Variants in ELFN1 observed in about 807,000 individuals in gnomAD.
ELFN1 encodes extracellular leucine rich repeat and fibronectin type III domain containing 1, also known as protein ELFN1.
Under a neutral mutation model 7.6 loss-of-function variants are expected in ELFN1, and 6 were observed. That is an observed-to-expected ratio of 0.79 (90% CI 0.43 to 1.56). The LOEUF is 1.56. ELFN1 is among the 40% of genes most tolerant of loss of function. The pLI is 0.01. For missense variants in ELFN1, 1,169 were observed against 1,232.2 expected (o/e 0.95, Z 0.77); for synonymous variants, 657 against 588.1 (o/e 1.12, Z -1.70).
chr7:1,722,020 T>G (rs1562377699), intron 3 of ELFN1, among the ~76,000 whole-genome samples: 2 of 152,156 alleles, frequency 1.3e-5, no homozygotes, highest in Non-Finnish European at 2.9e-5. Context: ...GTGGACGGTC[T>G]TCTGCGCAGC....
chr7:1,724,148 T>C (rs1780109421), intron 3 of ELFN1, among the ~76,000 whole-genome samples: 1 of 152,188 alleles, frequency 6.6e-6, no homozygotes, highest in Non-Finnish European at 1.5e-5. Context: ...AGGGTTACCA[T>C]AAGTATCCAA....
chr7:1,723,483 T>C (rs1583372652), intron 3 of ELFN1, among the ~76,000 whole-genome samples: 1 of 152,222 alleles, frequency 6.6e-6, no homozygotes, highest in South Asian at 2.1e-4. Context: ...TCTGTGCACA[T>C]GGCTCTGTGG....
intron 3 of ELFN1, among the ~76,000 whole-genome samples, chr7:1,731,376 C>T (rs1780321851): frequency 6.6e-6 from 1 of 152,182 alleles, no homozygotes; most frequent in Non-Finnish European, 1.5e-5. Context: ...GGATGTCTTT[C>T]CTGCCAGGTA....
chr7:1,739,105 C>T lies in ELFN1; in HGVS notation c.-293-5199C>T, dbSNP rs3735664. The T allele has an allele frequency of 0.39, 58,949 of 151,664 alleles. 12,822 individuals carry two copies. Among genetic ancestry groups the T allele is most frequent in the African/African-American group, 0.6 (24,858 of 41,302 alleles). 9.4% of individuals were successfully genotyped at this position (151,664 alleles called of 1,614,324 possible). On this transcript the variant is annotated intron_variant, in intron 3 of 3. Transcript: ENST00000424383. The surrounding 1 kb of genome is among the most constrained non-coding windows in gnomAD (Gnocchi z 4.6). ...ATCCAGTGGGCCCTGGAGATTGTGT[C>T]TGGAGGCCGGATTCTCCTCCACGCG... is the stretch of plus-strand genomic sequence containing the variant.
intron 2 of ELFN1, among the ~76,000 whole-genome samples, chr7:1,688,886 C>A (rs770940209): frequency 3.3e-5 from 5 of 152,342 alleles, no homozygotes; most frequent in Middle Eastern, 6.8e-3. Context: ...CACTGCTAAT[C>A]CATTCTCCAT....
intron 2 of ELFN1, among the ~76,000 whole-genome samples, chr7:1,699,403 C>T (rs1276938383): frequency 6.6e-6 from 1 of 152,052 alleles, no homozygotes; most frequent in Non-Finnish European, 1.5e-5. Context: ...TTTGGGAGGC[C>T]GAGGTGGGCA....
chr7:1,731,617 C>T (rs760812044), intron 3 of ELFN1, among the ~76,000 whole-genome samples: 5 of 152,166 alleles, frequency 3.3e-5, no homozygotes, highest in East Asian at 1.9e-4. Flanking sequence ...CCAGGAAAAC[C>T]GTGACATATG....
chr7:1,675,022 T>TTGGCTCCCCACACCTCATATCC, intron 1 of ELFN1, among the ~76,000 whole-genome samples: 2 of 64,552 alleles, frequency 3.1e-5, no homozygotes, highest in Non-Finnish European at 2.8e-5. Context: ...GCTCCCATGC[T>TTGGCTCCCCACACCTCATATCC]GGGCTCCCCA....
intron 1 of ELFN1, among the ~76,000 whole-genome samples, chr7:1,674,647 G>A (rs1030021310): frequency 3.2e-4 from 49 of 152,114 alleles, no homozygotes; most frequent in African/African-American, 1.2e-3. Flanking sequence ...CCCCGCCCTC[G>A]ACGTCTGCCC....
chr7:1,678,392 G>A (rs1246915046), intron 1 of ELFN1, among the ~76,000 whole-genome samples: 1 of 152,224 alleles, frequency 6.6e-6, no homozygotes. Flanking sequence ...CTGCATGTCA[G>A]TTGTGGGTAA....
upstream of ELFN1, among the ~76,000 whole-genome samples, chr7:1,670,217 C>G (rs1273627104): frequency 1.3e-5 from 2 of 150,942 alleles, no homozygotes; most frequent in Non-Finnish European, 3.0e-5. This position sits in a 1 kb window ranked among gnomAD's most constrained non-coding sequence, Gnocchi z 6.4. Context: ...CCCCCCCGGC[C>G]GCGCGGCGAG....
At position 1,724,103 on chromosome 7, in the gene ELFN1, C is replaced by T. The variant is rs149799456; in HGVS notation, c.-294+14851C>T. The stretch of plus-strand genomic sequence containing the variant: ...CAAGTTCACGAACATGTCTGCCCCT[C>T]GTCTGTAAAATGGAAATAACAGCAC... On this transcript the variant is annotated intron_variant, in intron 3 of 3. Transcript: ENST00000424383. 2.6e-3 allele frequency among the ~76,000 whole-genome samples: 401 copies of T among 152,298 alleles called. 2 individuals are homozygous for T. The highest frequency in any genetic ancestry group is 9.3e-3 in the African/African-American group (386 of 41,554).
At chr7:1,674,236 A>G (rs962048808) in intron 1 of ELFN1, among the ~76,000 whole-genome samples, 8 of 151,642 alleles carry the variant, frequency 5.3e-5, no homozygotes, top group Non-Finnish European at 2.9e-5. Context: ...GCTCCGGGCC[A>G]TGGGGGTGCA....
At chr7:1,716,433 C>T (rs1242456164) in intron 3 of ELFN1, among the ~76,000 whole-genome samples, 2 of 152,228 alleles carry the variant, frequency 1.3e-5, no homozygotes, top group African/African-American at 2.4e-5. Context: ...GTCTTTCTCC[C>T]CCATCCTCCC....
chr7:1,667,971 G>T (rs558103775), upstream of ELFN1, among the ~76,000 whole-genome samples: 1,000 of 141,504 alleles, frequency 7.1e-3, 16 homozygotes, highest in African/African-American at 0.023. This position sits in a 1 kb window ranked among gnomAD's most constrained non-coding sequence, Gnocchi z 8.2. Flanking sequence ...GGGGTGGGGG[G>T]GGGGGGCGGC....
intron 2 of ELFN1, among the ~76,000 whole-genome samples, chr7:1,701,895 G>T (rs1182540493): frequency 1.3e-5 from 2 of 151,634 alleles, no homozygotes; most frequent in African/African-American, 4.9e-5. Flanking sequence ...TTTGCATTTA[G>T]CTCTGTAATC....
At chr7:1,679,106 CAGCT>C (rs1265348502) in intron 1 of ELFN1, among the ~76,000 whole-genome samples, 1 of 152,132 alleles carries the variant, frequency 6.6e-6, no homozygotes, top group Non-Finnish European at 1.5e-5. Context: ...GGCACCTACT[CAGCT>C]AGAGCCCACC....
rs117231872 is a variant in ELFN1, at chr7:1,715,858, C to T, written c.-294+6606C>T. ...CCGGCCCCAGTTTGCCCATCCCTGC[C>T]GCAGAGTTTGTCTTTCAGCCTGAGC... On this transcript the variant is annotated intron_variant, in intron 3 of 3. Transcript: ENST00000424383. 5.4e-3 allele frequency among the ~76,000 whole-genome samples: 819 copies of T among 152,302 alleles called. 2 individuals carry two copies. Among genetic ancestry groups the T allele is most frequent in the Non-Finnish European group, 8.7e-3 (594 of 68,028 alleles).
At chr7:1,711,610 GAGAGAGAGA>G (rs1562369911) in intron 3 of ELFN1, among the ~76,000 whole-genome samples, 7 of 151,248 alleles carry the variant, frequency 4.6e-5, no homozygotes, top group African/African-American at 1.7e-4. Flanking sequence ...GAGAGAGAGA[GAGAGAGAGA>G]GAGAGAGAAT....
Sources: allele counts gnomAD v4.1 joint callset (sites outside exome capture counted in the v4.1 genomes callset), GRCh38; gene constraint gnomAD v4.1.1; non-coding constraint Gnocchi (gnomAD v3.1); transcripts MANE v1.5; gene names NCBI Gene and HGNC (gene_info 2026-07-23, HGNC 2026-07-21).